STX8: variants seen among roughly 807,000 people sequenced by gnomAD.
The protein encoded by STX8 is syntaxin 8.
A neutral mutation model predicts 37.5 loss-of-function variants in STX8; 23 were observed. The ratio of observed to expected loss-of-function variants is 0.61; its 90% confidence interval spans 0.44 to 0.87. The LOEUF is 0.87. Ranked by LOEUF, STX8 falls within the 40% of genes least tolerant of loss-of-function variation. The probability of loss-of-function intolerance (pLI) is 0.00; values close to 1 mark genes in which losing one functional copy is unlikely to be tolerated. For missense variants in STX8, 313 were observed against 284.7 expected (o/e 1.10, Z -0.71); for synonymous variants, 115 against 99.1 (o/e 1.16, Z -0.95).
intron 7 of STX8, among the ~76,000 whole-genome samples, chr17:9,364,391 TG>T (rs1287562394): frequency 1.3e-5 from 2 of 152,142 alleles, no homozygotes; most frequent in African/African-American, 4.8e-5. Context: ...CAGGTATGTC[TG>T]GGGAGGGGAA....
intron 6 of STX8, among the ~76,000 whole-genome samples, chr17:9,445,729 CT>C (rs1315219976): frequency 1.3e-5 from 2 of 152,058 alleles, no homozygotes; most frequent in African/African-American, 2.4e-5. Flanking sequence ...CTATTACCCA[CT>C]TTTTAAACCA....
chr17:9,430,681 G>A (rs553274004), intron 6 of STX8, among the ~76,000 whole-genome samples: 29 of 138,246 alleles, frequency 2.1e-4, no homozygotes, highest in Admixed American at 8.0e-4. Context: ...ACAGAGTCTC[G>A]CTCTGTTGCC....
intron 4 of STX8, among the ~76,000 whole-genome samples, chr17:9,514,063 G>A (rs999980068): frequency 3.9e-5 from 6 of 152,134 alleles, no homozygotes; most frequent in Non-Finnish European, 8.8e-5. Flanking sequence ...TTTGTTAAGG[G>A]ACACACAATT....
At chr17:9,559,741 T>TATATATATAC (rs201968661) in intron 2 of STX8, among the ~76,000 whole-genome samples, 773 of 27,228 alleles carry the variant, frequency 0.028, 180 homozygotes, top group East Asian at 0.08. Context: ...ATTTTATATA[T>TATATATATAC]ATATATATAT....
intron 7 of STX8, among the ~76,000 whole-genome samples, chr17:9,347,056 G>T (rs984605393): frequency 6.6e-6 from 1 of 151,882 alleles, no homozygotes; most frequent in African/African-American, 2.4e-5. Flanking sequence ...AAACCCAGGA[G>T]GCAGAGGTTG....
At chr17:9,321,759 C>T (rs1909585771) in intron 7 of STX8, among the ~76,000 whole-genome samples, 1 of 152,066 alleles carries the variant, frequency 6.6e-6, no homozygotes, top group Non-Finnish European at 1.5e-5. Flanking sequence ...ACCTTGTGAT[C>T]TGCCTGCCTT....
At chr17:9,428,335 G>A (rs1471705694) in intron 6 of STX8, among the ~76,000 whole-genome samples, 1 of 152,180 alleles carries the variant, frequency 6.6e-6, no homozygotes, top group East Asian at 1.9e-4. Flanking sequence ...CCGCCTCCCG[G>A]GTTCATGCCA....
chr17:9,504,064 G>A (rs149108102), intron 5 of STX8, among the ~76,000 whole-genome samples: 1,837 of 151,006 alleles, frequency 0.012, 40 homozygotes, highest in African/African-American at 0.041. Context: ...ACACCCAGCC[G>A]ACACATACTA....
intron 6 of STX8, among the ~76,000 whole-genome samples, chr17:9,472,996 C>A (rs1292975771): frequency 6.6e-6 from 1 of 152,024 alleles, no homozygotes; most frequent in Non-Finnish European, 1.5e-5. Context: ...CTAAAGCTAG[C>A]AGCAAAGTCA....
At chr17:9,477,084 C>T (rs1019212493) in intron 6 of STX8, among the ~76,000 whole-genome samples, 2 of 152,074 alleles carry the variant, frequency 1.3e-5, no homozygotes, top group African/African-American at 4.8e-5. Flanking sequence ...TCTCAAACTC[C>T]TGGGCCTAAG....
chr17:9,464,386 C>T (rs554424943), intron 6 of STX8, among the ~76,000 whole-genome samples: 6 of 152,172 alleles, frequency 3.9e-5, no homozygotes, highest in Admixed American at 6.6e-5. Context: ...ACAAATCTGC[C>T]GCTAGGTATA....
intron 7 of STX8, among the ~76,000 whole-genome samples, chr17:9,367,173 TTTTTTTTTTTTTGG>T (rs1911254356): frequency 9.0e-6 from 1 of 110,966 alleles, no homozygotes; most frequent in Non-Finnish European, 1.6e-5. Context: ...GTTTTTTTTG[TTTTTTTTTTTTTGG>T]TTTTGCTTTT....
chr17:9,447,936 T>C (rs1214592400), intron 6 of STX8, among the ~76,000 whole-genome samples: 9 of 151,716 alleles, frequency 5.9e-5, no homozygotes, highest in Non-Finnish European at 2.9e-5. Context: ...CCCAGCACTT[T>C]GGGAGGCCGA....
At chr17:9,531,714 C>G (rs115802864) in intron 4 of STX8, among the ~76,000 whole-genome samples, 1 of 152,218 alleles carries the variant, frequency 6.6e-6, no homozygotes, top group East Asian at 1.9e-4. Flanking sequence ...GGGGACTACT[C>G]TTTATTTATC....
intron 6 of STX8, among the ~76,000 whole-genome samples, chr17:9,421,504 C>T (rs1216689233): frequency 6.8e-6 from 1 of 146,650 alleles, no homozygotes; most frequent in Non-Finnish European, 1.5e-5. Context: ...TAGCAGAATA[C>T]AGCCATGCTT....
At chr17:9,501,606 G>A (rs551694959) in intron 5 of STX8, among the ~76,000 whole-genome samples, 155 of 151,998 alleles carry the variant, frequency 1.0e-3, no homozygotes, top group African/African-American at 2.9e-3. Flanking sequence ...CAGGAGAATC[G>A]CTTGAACCTG....
chr17:9,518,581 G>A (rs967705047), intron 4 of STX8, among the ~76,000 whole-genome samples: 2 of 152,146 alleles, frequency 1.3e-5, no homozygotes, highest in Non-Finnish European at 2.9e-5. Flanking sequence ...AGGAACAGAT[G>A]CTAGCAGCCA....
intron 7 of STX8, among the ~76,000 whole-genome samples, chr17:9,341,954 G>C (rs535302391): frequency 6.6e-6 from 1 of 152,286 alleles, no homozygotes; most frequent in African/African-American, 2.4e-5. Flanking sequence ...CTCAGATCCA[G>C]AGCCAAGGAC....
intron 6 of STX8, among the ~76,000 whole-genome samples, chr17:9,454,958 G>C (rs948596762): frequency 2.6e-5 from 4 of 152,178 alleles, no homozygotes; most frequent in Non-Finnish European, 5.9e-5. Context: ...GCTCATGCCT[G>C]TAATCCCAGC....
Sources: allele counts gnomAD v4.1 joint callset (sites outside exome capture counted in the v4.1 genomes callset), GRCh38; gene constraint gnomAD v4.1.1; transcripts MANE v1.5; gene names NCBI Gene and HGNC (gene_info 2026-07-23, HGNC 2026-07-21).